The following CPO variants were observed in gnomAD, a reference collection of about 807,000 sequenced individuals.
CPO encodes the protein carboxypeptidase O.
In CPO, 43 loss-of-function variants were observed where a neutral mutation model predicts 41.2. That is an observed-to-expected ratio of 1.04 (90% CI 0.82 to 1.35). CPO has a LOEUF of 1.35. Ranked by LOEUF, CPO falls within the 40% of genes most tolerant of loss-of-function variation. The pLI is 0.00. For missense variants in CPO, 408 were observed against 451.7 expected (o/e 0.90, Z 0.88); for synonymous variants, 178 against 162.7 (o/e 1.09, Z -0.72).
intron 2 of CPO, among the ~76,000 whole-genome samples, chr2:206,951,147 A>T (rs1693255120): frequency 6.6e-6 from 1 of 152,170 alleles, no homozygotes; most frequent in Non-Finnish European, 1.5e-5. Context: ...AATAGACAAG[A>T]CCATGTAAAT....
chr2:206,953,664 C>A (rs1693307737), intron 2 of CPO, among the ~76,000 whole-genome samples: 1 of 152,190 alleles, frequency 6.6e-6, no homozygotes, highest in African/African-American at 2.4e-5. Context: ...GAATGGTGAC[C>A]CTCTTCTCAC....
intron 2 of CPO, 34 bp downstream of exon 2, chr2:206,949,747 T>G: frequency 7.4e-7 from 1 of 1,344,734 alleles, no homozygotes. Context: ...GGTTGGTGGT[T>G]GTCACAACCT....
In CPO at chr2:206,941,248, G is replaced by A. The variant is rs146589498; in HGVS notation, c.68+1581G>A. 6.9e-3 allele frequency among the ~76,000 whole-genome samples: 1,049 copies of A among 151,956 alleles called. 10 individuals are homozygous for A. The highest frequency in any genetic ancestry group is 0.023 in the African/African-American group (963 of 41,474). ...AACTTGAATGTCTATGTTAGGTTAT[G>A]TAAATGCTGATATGTGATATAGGAC... On this transcript the variant is annotated intron_variant, in intron 1 of 8. Coordinates refer to ENST00000272852, the MANE Select transcript of CPO (RefSeq NM_173077.3).
chr2:206,959,545 C>T (rs1427304372), intron 4 of CPO, 86 bp from the exon 5 acceptor site: 1 of 697,130 alleles, frequency 1.4e-6, no homozygotes, highest in Non-Finnish European at 2.6e-6. Context: ...GTACAGTCAC[C>T]TCTTATAATT....
chr2:206,943,768 A>AGAT (rs1553510348), intron 1 of CPO, among the ~76,000 whole-genome samples: 68 of 137,722 alleles, frequency 4.9e-4, no homozygotes, highest in African/African-American at 1.7e-3. Flanking sequence ...ATAGATAGAT[A>AGAT]GATAGATAGA....
intron 1 of CPO, among the ~76,000 whole-genome samples, chr2:206,944,519 A>C (rs62196049): frequency 0.13 from 20,078 of 151,996 alleles, 1,462 homozygotes; most frequent in Middle Eastern, 0.27. Context: ...CAGCTATTAC[A>C]ATGTAAATAA....
chr2:206,943,407 C>T (rs1164511040), intron 1 of CPO, among the ~76,000 whole-genome samples: 1 of 152,082 alleles, frequency 6.6e-6, no homozygotes, highest in Non-Finnish European at 1.5e-5. Context: ...ATTCCCTCTC[C>T]TCTTTCCATT....
intron 1 of CPO, among the ~76,000 whole-genome samples, chr2:206,943,546 G>A (rs539487349): frequency 4.0e-5 from 6 of 151,572 alleles, no homozygotes; most frequent in African/African-American, 1.5e-4. Context: ...TTAATACTTC[G>A]TCCTTATTTT....
intron 8 of CPO, among the ~76,000 whole-genome samples, 163 bp downstream of exon 8, chr2:206,968,510 C>T (rs537325864): frequency 8.5e-5 from 13 of 152,164 alleles, no homozygotes; most frequent in East Asian, 1.9e-4. Flanking sequence ...TGTACAAATC[C>T]GGAATTATAC....
chr2:206,968,432 G>C (rs1315103848), intron 8 of CPO, 85 bp downstream of exon 8: 1 of 767,010 alleles, frequency 1.3e-6, no homozygotes. Context: ...GGCGGGAGAG[G>C]AACAGAAGAG....
At chr2:206,940,186 CTAA>C (rs1693001391) in intron 1 of CPO, among the ~76,000 whole-genome samples, 1 of 152,052 alleles carries the variant, frequency 6.6e-6, no homozygotes, top group African/African-American at 2.4e-5. Context: ...GTTGAAATTG[CTAA>C]TAATATTCTG....
intron 1 of CPO, among the ~76,000 whole-genome samples, chr2:206,945,370 T>A (rs1693123467): frequency 7.3e-6 from 1 of 136,502 alleles, no homozygotes; most frequent in African/African-American, 2.6e-5. Context: ...AGCCATTCTA[T>A]ACATATTTGC....
At chr2:206,952,823 G>A (rs1693290463) in intron 2 of CPO, among the ~76,000 whole-genome samples, 1 of 152,150 alleles carries the variant, frequency 6.6e-6, no homozygotes, top group Non-Finnish European at 1.5e-5. Context: ...AAAGGAAAGA[G>A]GTTTAATGGA....
At position 206,960,836 on chromosome 2, in the gene CPO, T is replaced by A; in HGVS notation, c.484-16T>A. 1 of 1,569,256 alleles carries A rather than the reference T, an allele frequency of 6.4e-7. No individual in the cohort carries two copies. Among genetic ancestry groups the A allele is most frequent in the East Asian group, 2.2e-5 (1 of 44,652 alleles). On this transcript the variant is annotated splice_polypyrimidine_tract_variant and intron_variant, in intron 5 of 8. Coordinates refer to ENST00000272852, the MANE Select transcript of CPO (RefSeq NM_173077.3). Reference sequence around the variant, plus strand: ...AAACCTTAGAACAGCAACATCCGTATGTTCCTCTGCTACAGGATCGTCTTT... The same window carrying A: ...AAACCTTAGAACAGCAACATCCGTAAGTTCCTCTGCTACAGGATCGTCTTT...
rs577553725 is a variant in CPO at position 206,962,651 on chromosome 2, A to C, written c.777+37A>C. ...GCACCAAGGCCTCCAGAAAAACCTCAGCAAGACCTCTGCCTTCCTTTTTCT... is the reference window on the plus strand; with the variant it reads ...GCACCAAGGCCTCCAGAAAAACCTCCGCAAGACCTCTGCCTTCCTTTTTCT... On this transcript the variant is annotated intron_variant, in intron 7 of 8. Coordinates refer to ENST00000272852, the MANE Select transcript of CPO (RefSeq NM_173077.3). 43 of 1,525,630 alleles carry C rather than the reference A, an allele frequency of 2.8e-5. No homozygotes were observed. In the East Asian group the frequency reaches 8.6e-4, roughly 30 times the overall value. The allele number at this position is 1,525,630 out of a possible 1,614,324, so 94.5% of individuals were successfully genotyped here. A position where few individuals can be genotyped will look rare whatever the true frequency, so the allele number is the denominator to read the frequency against.
intron 3 of CPO, among the ~76,000 whole-genome samples, chr2:206,956,186 C>T (rs1693353745): frequency 6.6e-6 from 1 of 152,122 alleles, no homozygotes; most frequent in East Asian, 1.9e-4. Context: ...CCTGGTTCTG[C>T]ACCAGTGATT....
Position 206,962,454 on chromosome 2 carries a change from G to C in CPO, c.617G>C (p.Gly206Ala), listed in dbSNP as rs148245128. 39 of 1,613,974 alleles carry C rather than the reference G, an allele frequency of 2.4e-5. No homozygotes were observed. The highest frequency in any genetic ancestry group is 3.3e-5 in the Non-Finnish European group (39 of 1,179,984). ...AACTGCCAAGATCAAACATTCTGTG[G>C]GACAGGGCCAGTGTCTGAACCAGAG... ...SRNCQDQTFCGTGPVSEPETK... is the reference protein window; with the variant it reads ...SRNCQDQTFCATGPVSEPETK... The change falls in exon 7 of 9, where the codon GGG (glycine) becomes GCG (alanine). Residue 206 changes from glycine to alanine, a missense_variant. Physicochemically the swap from Gly to Ala is moderately conservative, Grantham distance 60. Transcript: ENST00000272852.
intron 3 of CPO, among the ~76,000 whole-genome samples, chr2:206,957,188 T>A (rs1693383948): frequency 6.6e-6 from 1 of 151,912 alleles, no homozygotes; most frequent in Non-Finnish European, 1.5e-5. Flanking sequence ...CCATCCTAGC[T>A]AACACGGTAA....
chr2:206,953,410 C>T lies in CPO; in HGVS notation c.166-2053C>T, dbSNP rs527672364. Among the ~76,000 whole-genome samples the T allele has an allele frequency of 9.8e-5, 15 of 152,350 alleles. No individual in the cohort carries two copies. In the South Asian group the frequency reaches 1.2e-3, roughly 13 times the overall value. ...AGGGGCCACAGGCCCCAAGCAAGTC[C>T]GAAATCCAATAGAGCAGTAATTAAA... On this transcript the variant is annotated intron_variant, in intron 2 of 8. Coordinates refer to ENST00000272852, the MANE Select transcript of CPO (RefSeq NM_173077.3).
Sources: gnomAD v4.1 joint callset for allele counts (sites outside exome capture counted in the v4.1 genomes callset) on GRCh38, gnomAD v4.1.1 for gene constraint, MANE v1.5 for transcripts, NCBI Gene and HGNC (gene_info 2026-07-23, HGNC 2026-07-21) for gene names.